The following NR3C2 variants were observed in gnomAD, a reference collection of about 807,000 sequenced individuals.
NR3C2 encodes nuclear receptor subfamily 3 group C member 2.
NR3C2 carries 15 observed loss-of-function variants against 86.4 expected under a neutral mutation model. The observed-to-expected ratio is 0.17, with a 90% CI of 0.12 to 0.27. The LOEUF (loss-of-function observed/expected upper bound fraction) is 0.27. Ranked by LOEUF, NR3C2 falls within the 10% of genes least tolerant of loss-of-function variation. The probability of loss-of-function intolerance (pLI) is 1.00; values close to 1 mark genes in which losing one functional copy is unlikely to be tolerated. For synonymous variants in NR3C2, 458 were observed against 450.5 expected, an observed-to-expected ratio of 1.02 and a Z score of -0.21; for missense variants, 960 against 1,195.6, an observed-to-expected ratio of 0.80 and a Z score of 2.91.
At chr4:148,090,942 CG>C in intron 8 of NR3C2, among the ~76,000 whole-genome samples, 1 of 152,276 alleles carries the variant, frequency 6.6e-6, no homozygotes, top group Non-Finnish European at 1.5e-5. Context: ...GCCTGGCAGC[CG>C]GGGGCTGGGC....
intron 8 of NR3C2, among the ~76,000 whole-genome samples, chr4:148,100,671 A>G (rs1488815242): frequency 6.6e-6 from 1 of 152,222 alleles, no homozygotes; most frequent in Non-Finnish European, 1.5e-5. Flanking sequence ...GTTTCCTCAA[A>G]AAAATAAATG....
At chr4:148,407,023 C>G (rs1457955483) in intron 2 of NR3C2, among the ~76,000 whole-genome samples, 1 of 152,214 alleles carries the variant, frequency 6.6e-6, no homozygotes, top group Non-Finnish European at 1.5e-5. Context: ...TTAACGTTTA[C>G]AGAAGTGCCA....
chr4:148,257,181 G>A (rs1347432888), intron 3 of NR3C2, among the ~76,000 whole-genome samples: 1 of 152,104 alleles, frequency 6.6e-6, no homozygotes, highest in South Asian at 2.1e-4. Flanking sequence ...GTAATCTAAC[G>A]AGGGGCTTAG....
At chr4:148,328,200 G>A (rs1257327207) in intron 2 of NR3C2, among the ~76,000 whole-genome samples, 1 of 152,190 alleles carries the variant, frequency 6.6e-6, no homozygotes, top group African/African-American at 2.4e-5. Context: ...CTCTTTGCCT[G>A]TAGCAGCATA....
chr4:148,327,668 A>G (rs778940221), intron 2 of NR3C2, among the ~76,000 whole-genome samples: 2 of 152,194 alleles, frequency 1.3e-5, no homozygotes, highest in Non-Finnish European at 2.9e-5. Context: ...AAGGGCTTGA[A>G]CAAGAGTGGG....
chr4:148,244,513 C>A (rs565998342), intron 3 of NR3C2, among the ~76,000 whole-genome samples: 2 of 152,200 alleles, frequency 1.3e-5, no homozygotes, highest in East Asian at 3.9e-4. Context: ...AAATTACTTA[C>A]CTGCAAGTGT....
At chr4:148,202,187 C>T (rs964483175) in intron 3 of NR3C2, among the ~76,000 whole-genome samples, 1 of 152,188 alleles carries the variant, frequency 6.6e-6, no homozygotes, top group African/African-American at 2.4e-5. Context: ...TGCCCCAGTA[C>T]CCAGATTCCT....
Position 148,249,304 on chromosome 4 carries a change from CA to C in NR3C2, c.1897+10673del, listed in dbSNP as rs397879672. 2.1e-3 allele frequency among the ~76,000 whole-genome samples: 295 copies of C among 142,810 alleles called. 2 individuals are homozygous for C. The highest frequency in any genetic ancestry group is 6.4e-3 in the African/African-American group (250 of 39,264). 93.7% of individuals were successfully genotyped at this position (142,810 alleles called of 152,430 possible). ...GAGGAGGTATTTGCTTCCCCCCGAC[CA>C]AAAAAAAAAATTCTATAGTTTTGAT... On this transcript the variant is annotated intron_variant, in intron 3 of 8. Transcript: ENST00000358102.
chr4:148,414,383 A>T (rs879802736), intron 2 of NR3C2, among the ~76,000 whole-genome samples: 2 of 152,178 alleles, frequency 1.3e-5, no homozygotes, highest in African/African-American at 2.4e-5. Flanking sequence ...TCTGAACCCA[A>T]TGAAAAATTA....
At chr4:148,233,636 T>C (rs954741682) in intron 3 of NR3C2, among the ~76,000 whole-genome samples, 3 of 152,174 alleles carry the variant, frequency 2.0e-5, no homozygotes, top group Non-Finnish European at 2.9e-5. Context: ...CTCAACTCAA[T>C]TGGGCTAATT....
chr4:148,419,534 T>C (rs1749174933), intron 2 of NR3C2, among the ~76,000 whole-genome samples: 1 of 152,206 alleles, frequency 6.6e-6, no homozygotes, highest in African/African-American at 2.4e-5. Context: ...TTACGTACTC[T>C]TAGGTGGATA....
In NR3C2 at chr4:148,376,811, A is replaced by G. The variant is rs369927521; in HGVS notation, c.1757+58293T>C. ...AACAGAAAAATTATATTAGAGAGTC[A>G]ATCAGTACTTTAATACAGGATATTC... On this transcript the variant is annotated intron_variant, in intron 2 of 8. Coordinates refer to ENST00000358102, the MANE Select transcript of NR3C2 (RefSeq NM_000901.5). 4.6e-5 allele frequency among the ~76,000 whole-genome samples: 7 copies of G among 152,312 alleles called. No homozygotes were observed. The East Asian group carries it at 1.3e-3, about 29-fold the overall frequency.
intron 6 of NR3C2, among the ~76,000 whole-genome samples, chr4:148,140,941 C>T (rs1413173122): frequency 6.6e-6 from 1 of 152,240 alleles, no homozygotes; most frequent in East Asian, 1.9e-4. Context: ...AAATATCATA[C>T]ATGGAATATT....
intron 4 of NR3C2, among the ~76,000 whole-genome samples, chr4:148,179,534 A>G (rs1735549855): frequency 1.3e-5 from 2 of 151,776 alleles, no homozygotes; most frequent in African/African-American, 4.8e-5. Flanking sequence ...GTGAGTTCAT[A>G]AAACTGCATG....
intron 4 of NR3C2, among the ~76,000 whole-genome samples, chr4:148,188,260 G>A (rs1736031363): frequency 6.6e-6 from 1 of 152,128 alleles, no homozygotes. Context: ...AAGAATGATG[G>A]TGGTATTCTG....
intron 2 of NR3C2, among the ~76,000 whole-genome samples, chr4:148,266,020 G>T (rs1487333843): frequency 6.6e-6 from 1 of 151,092 alleles, no homozygotes. Context: ...ACTGAGATTG[G>T]ACGGGGAGGG....
intron 4 of NR3C2, among the ~76,000 whole-genome samples, chr4:148,176,489 A>G (rs985729914): frequency 9.2e-5 from 14 of 152,230 alleles, no homozygotes; most frequent in African/African-American, 3.1e-4. Flanking sequence ...TGAGGGACAC[A>G]GTCACATGAA....
chr4:148,277,163 A>G (rs1579096874), intron 2 of NR3C2, among the ~76,000 whole-genome samples: 1 of 152,218 alleles, frequency 6.6e-6, no homozygotes, highest in African/African-American at 2.4e-5. Flanking sequence ...TTCTTTTGGT[A>G]AATGTTGGCA....
chr4:148,115,050 A>T (rs1732212089), intron 7 of NR3C2, among the ~76,000 whole-genome samples: 1 of 152,222 alleles, frequency 6.6e-6, no homozygotes, highest in Non-Finnish European at 1.5e-5. Context: ...TGAGGGGGGA[A>T]CAACAACAGT....
Sources: allele counts gnomAD v4.1 joint callset (sites outside exome capture counted in the v4.1 genomes callset), GRCh38; gene constraint gnomAD v4.1.1; transcripts MANE v1.5; gene names NCBI Gene and HGNC (gene_info 2026-07-23, HGNC 2026-07-21).